PLBD1: variants seen among roughly 807,000 people sequenced by gnomAD.
PLBD1 encodes phospholipase B domain containing 1.
In PLBD1, 60 loss-of-function variants were observed where a neutral mutation model predicts 63.0. The observed-to-expected ratio is 0.95, with a 90% CI of 0.77 to 1.18. The LOEUF is 1.18. PLBD1 is among the 50% of genes most tolerant of loss of function. The pLI is 0.00. For missense variants in PLBD1, 598 were observed against 677.9 expected (o/e 0.88, Z 1.31); for synonymous variants, 262 against 248.0 (o/e 1.06, Z -0.53).
rs141359673 is a variant in PLBD1, at chr12:14,566,953, G to A, written c.115+629C>T. ...CTACTAATAATGCACAAATTAGCTG[G>A]GCATGGTGGCTGACGCCTGTAATCC... is the stretch of plus-strand genomic sequence containing the variant. On this transcript the variant is annotated intron_variant, in intron 1 of 10. Transcript: ENST00000240617. Among the ~76,000 whole-genome samples, 343 of 152,168 alleles carry A rather than the reference G, an allele frequency of 2.3e-3. 3 individuals carry two copies. Among genetic ancestry groups the A allele is most frequent in the African/African-American group, 7.9e-3 (327 of 41,520 alleles).
intron 10 of PLBD1, 45 bp downstream of exon 10, chr12:14,506,117 C>A: frequency 7.2e-7 from 1 of 1,391,978 alleles, no homozygotes; most frequent in Admixed American, 1.9e-5. Context: ...TTGGAGAGGC[C>A]TGTGTGCTGG....
At chr12:14,554,360 C>A (rs543669566) in intron 1 of PLBD1, 1 of 152,162 alleles carries the variant, frequency 6.6e-6, no homozygotes, top group Admixed American at 6.5e-5. Context: ...AGCTTCTCCC[C>A]CTTTGGCATA....
At chr12:14,526,881 A>C (rs577725183) in intron 6 of PLBD1, among the ~76,000 whole-genome samples, 1 of 152,342 alleles carries the variant, frequency 6.6e-6, no homozygotes, top group Non-Finnish European at 1.5e-5. Flanking sequence ...ATGAGGCAGG[A>C]GAATCACTTG....
chr12:14,532,010 A>G (rs911533076), intron 6 of PLBD1, among the ~76,000 whole-genome samples: 1 of 152,230 alleles, frequency 6.6e-6, no homozygotes, highest in Non-Finnish European at 1.5e-5. Flanking sequence ...AAATTTAAGT[A>G]AAGTTTTCAT....
At chr12:14,532,625 C>T (rs1945475125) in intron 6 of PLBD1, among the ~76,000 whole-genome samples, 1 of 152,268 alleles carries the variant, frequency 6.6e-6, no homozygotes, top group Non-Finnish European at 1.5e-5. Context: ...GGCTTGAGTC[C>T]CAGAGCTCCT....
chr12:14,545,282 A>G (rs1945608693), intron 2 of PLBD1, among the ~76,000 whole-genome samples: 1 of 152,198 alleles, frequency 6.6e-6, no homozygotes, highest in Admixed American at 6.5e-5. Flanking sequence ...AAGCAGTTAA[A>G]AGCATCTGGC....
At chr12:14,527,623 G>A (rs1945426290) in intron 6 of PLBD1, among the ~76,000 whole-genome samples, 1 of 152,090 alleles carries the variant, frequency 6.6e-6, no homozygotes, top group South Asian at 2.1e-4. Flanking sequence ...GACATGCTAT[G>A]GTAATGCAGT....
intron 7 of PLBD1, 31 bp from the exon 8 acceptor site, chr12:14,511,431 A>C (rs1232473513): frequency 6.2e-7 from 1 of 1,613,370 alleles, no homozygotes; most frequent in Non-Finnish European, 8.5e-7. Flanking sequence ...AAGACGGGGC[A>C]TGGGTATGAC....
At chr12:14,533,487 T>C (rs1945484206) in intron 6 of PLBD1, among the ~76,000 whole-genome samples, 1 of 152,232 alleles carries the variant, frequency 6.6e-6, no homozygotes, top group African/African-American at 2.4e-5. Flanking sequence ...ATACGTTTCA[T>C]AAGAAAATCT....
chr12:14,513,752 G>A (rs538987805), intron 6 of PLBD1, among the ~76,000 whole-genome samples: 7 of 151,508 alleles, frequency 4.6e-5, no homozygotes, highest in South Asian at 4.2e-4. Flanking sequence ...AAAGTTACAC[G>A]ATGAGAGGAC....
chr12:14,514,142 T>C, intron 6 of PLBD1, among the ~76,000 whole-genome samples: 1 of 152,168 alleles, frequency 6.6e-6, no homozygotes, highest in East Asian at 1.9e-4. Flanking sequence ...TTGTGTAAAT[T>C]AGAGAAAGTT....
intron 1 of PLBD1, among the ~76,000 whole-genome samples, chr12:14,565,326 C>G (rs914514480): frequency 1.3e-5 from 2 of 151,662 alleles, no homozygotes; most frequent in African/African-American, 4.8e-5. Flanking sequence ...ATTAGCTGGG[C>G]GTGGTGGTGT....
intron 6 of PLBD1, among the ~76,000 whole-genome samples, chr12:14,519,612 T>C (rs1945361299): frequency 1.5e-5 from 2 of 131,968 alleles, no homozygotes; most frequent in African/African-American, 5.9e-5. Context: ...GAGTGAGACA[T>C]CATCTTAAAA....
chr12:14,510,073 A>G (rs1945284934), intron 8 of PLBD1, among the ~76,000 whole-genome samples: 1 of 152,134 alleles, frequency 6.6e-6, no homozygotes, highest in South Asian at 2.1e-4. Context: ...AAAGATGTTG[A>G]TATTTCTGTA....
rs1158266156 is a variant in PLBD1, at chr12:14,506,231, A to G, written c.1410T>C (p.Cys470=). 3 of 1,613,180 alleles carry G rather than the reference A, an allele frequency of 1.9e-6. No homozygotes were observed. Among genetic ancestry groups the G allele is most frequent in the Admixed American group, 3.3e-5 (2 of 59,914 alleles). Residue 470 remains cysteine, a synonymous_variant, in exon 10 of 11, where the codon TGT becomes TGC. Coordinates refer to ENST00000240617, the MANE Select transcript of PLBD1 (RefSeq NM_024829.6). The part of the protein sequence containing the change: ...KKDPYSRGDP[C]NTICCREDLN... ...GGTCCTCACGGCAGCAGATGGTATT[A>G]CAGGGGTCACCTCTACTGTAAGGAT...
intron 2 of PLBD1, among the ~76,000 whole-genome samples, chr12:14,543,036 G>T (rs1266938753): frequency 6.6e-6 from 1 of 151,152 alleles, no homozygotes; most frequent in East Asian, 2.0e-4. Flanking sequence ...GTCTCATATG[G>T]TGTACAGTTA....
intron 1 of PLBD1, among the ~76,000 whole-genome samples, chr12:14,559,060 AT>A (rs1945727903): frequency 6.6e-6 from 1 of 152,016 alleles, no homozygotes; most frequent in Non-Finnish European, 1.5e-5. Flanking sequence ...CTATTTTCTG[AT>A]TTTCTTAAAT....
chr12:14,539,801 G>C (rs1018247318), intron 4 of PLBD1, among the ~76,000 whole-genome samples: 1 of 150,602 alleles, frequency 6.6e-6, no homozygotes, highest in African/African-American at 2.4e-5. Context: ...AAAAAAGTTA[G>C]AGTCTTACTG....
chr12:14,537,888 CT>C (rs60544652), intron 4 of PLBD1, among the ~76,000 whole-genome samples: 136,081 of 151,866 alleles, frequency 0.9, 62,296 homozygotes, highest in East Asian at 0.99. Context: ...AAGTCTCCTC[CT>C]TTACCTGTTC....
Sources: allele counts gnomAD v4.1 joint callset (sites outside exome capture counted in the v4.1 genomes callset), GRCh38; gene constraint gnomAD v4.1.1; transcripts MANE v1.5; gene names NCBI Gene and HGNC (gene_info 2026-07-23, HGNC 2026-07-21).